The following ENOX1 variants were observed in gnomAD, a reference collection of about 807,000 sequenced individuals.
The protein encoded by ENOX1 is ecto-NOX disulfide-thiol exchanger 1.
A neutral mutation model predicts 82.5 loss-of-function variants in ENOX1; 42 were observed. That is an observed-to-expected ratio of 0.51 (90% CI 0.40 to 0.66). The LOEUF is 0.66. Among genes scored for constraint, ENOX1 ranks in the 30% least tolerant of loss-of-function variants. ENOX1 has a pLI of 0.00. For synonymous variants in ENOX1, 271 were observed against 282.2 expected (o/e 0.96, Z 0.40); for missense variants, 608 against 811.6 (o/e 0.75, Z 3.05).
At chr13:43,614,258 A>C (rs951421575) in intron 2 of ENOX1, among the ~76,000 whole-genome samples, 36 of 152,214 alleles carry the variant, frequency 2.4e-4, no homozygotes, top group Non-Finnish European at 3.7e-4. Flanking sequence ...CACAAAAAAC[A>C]CTGGATACAG....
At chr13:43,742,410 A>G (rs1246223995) in intron 1 of ENOX1, among the ~76,000 whole-genome samples, 2 of 151,030 alleles carry the variant, frequency 1.3e-5, no homozygotes, top group African/African-American at 2.5e-5. Flanking sequence ...AAAGAGAGAC[A>G]GAGAGAGACA....
chr13:43,576,794 C>G (rs1249569149), intron 2 of ENOX1, among the ~76,000 whole-genome samples: 1 of 152,142 alleles, frequency 6.6e-6, no homozygotes, highest in Non-Finnish European at 1.5e-5. Flanking sequence ...TATGGAACAG[C>G]ACTAGGTTAG....
chr13:43,345,688 T>C, intron 8 of ENOX1, among the ~76,000 whole-genome samples: 1 of 152,226 alleles, frequency 6.6e-6, no homozygotes, highest in East Asian at 1.9e-4. Flanking sequence ...TGACTACTGC[T>C]GAAGGCTCAT....
chr13:43,515,665 G>T (rs1667056281), intron 2 of ENOX1, among the ~76,000 whole-genome samples: 1 of 152,138 alleles, frequency 6.6e-6, no homozygotes, highest in African/African-American at 2.4e-5. Flanking sequence ...GGGCCATCTG[G>T]CTCCAGAGTC....
At chr13:43,468,618 C>T (rs979286157) in intron 3 of ENOX1, among the ~76,000 whole-genome samples, 8 of 143,226 alleles carry the variant, frequency 5.6e-5, no homozygotes, top group African/African-American at 2.1e-4. Flanking sequence ...AGTGAGACCC[C>T]ATTCTCCACA....
intron 10 of ENOX1, among the ~76,000 whole-genome samples, chr13:43,324,976 T>C (rs73178325): frequency 1.3e-5 from 2 of 152,236 alleles, no homozygotes; most frequent in African/African-American, 2.4e-5. Context: ...CTTTTAATCA[T>C]GTTTGGTTTT....
At chr13:43,406,179 T>C (rs933534826) in intron 5 of ENOX1, among the ~76,000 whole-genome samples, 3 of 152,136 alleles carry the variant, frequency 2.0e-5, no homozygotes, top group African/African-American at 4.8e-5. Context: ...AAAAGTACTC[T>C]GAGGAAGCAG....
At chr13:43,446,165 CTTGT>C (rs1162367116) in intron 3 of ENOX1, among the ~76,000 whole-genome samples, 4 of 151,256 alleles carry the variant, frequency 2.6e-5, no homozygotes, top group Non-Finnish European at 5.9e-5. Flanking sequence ...TGTCCTGTGC[CTTGT>C]TTTTTTTTTT....
chr13:43,715,906 A>G (rs2088090555), intron 1 of ENOX1, among the ~76,000 whole-genome samples: 1 of 152,118 alleles, frequency 6.6e-6, no homozygotes, highest in Non-Finnish European at 1.5e-5. Flanking sequence ...TTTCAGCTCC[A>G]TCAGCTCCTT....
intron 14 of ENOX1, among the ~76,000 whole-genome samples, chr13:43,242,260 A>C (rs1385737099): frequency 1.3e-5 from 2 of 152,146 alleles, no homozygotes; most frequent in Non-Finnish European, 2.9e-5. Context: ...GCTACACAGG[A>C]GGTCCTGGTC....
intron 5 of ENOX1, among the ~76,000 whole-genome samples, chr13:43,374,069 C>A (rs2051433373): frequency 6.6e-6 from 1 of 150,734 alleles, no homozygotes; most frequent in Admixed American, 6.6e-5. Context: ...CCCTTCCCTT[C>A]CCCTCCCTTG....
At chr13:43,279,407 A>G (rs2045246315) in intron 12 of ENOX1, among the ~76,000 whole-genome samples, 1 of 152,150 alleles carries the variant, frequency 6.6e-6, no homozygotes, top group Non-Finnish European at 1.5e-5. Context: ...TATCCTTACA[A>G]CTGCCAAATG....
intron 1 of ENOX1, among the ~76,000 whole-genome samples, chr13:43,685,881 C>T (rs1057479250): frequency 2.7e-5 from 4 of 146,090 alleles, no homozygotes; most frequent in African/African-American, 1.1e-4. Context: ...GAAACACACA[C>T]ACACACACAC....
chr13:43,465,038 C>G (rs1041750218), intron 3 of ENOX1, among the ~76,000 whole-genome samples: 4 of 152,138 alleles, frequency 2.6e-5, no homozygotes, highest in Non-Finnish European at 5.9e-5. Flanking sequence ...CATCAGGGGG[C>G]AGGCAAATGA....
At chr13:43,433,285 T>C (rs1405155135) in intron 3 of ENOX1, among the ~76,000 whole-genome samples, 1 of 152,092 alleles carries the variant, frequency 6.6e-6, no homozygotes, top group Non-Finnish European at 1.5e-5. Flanking sequence ...CATGAGAACA[T>C]TCCTCAGTGA....
intron 2 of ENOX1, among the ~76,000 whole-genome samples, chr13:43,549,293 A>C (rs2079092296): frequency 6.6e-6 from 1 of 152,190 alleles, no homozygotes; most frequent in Non-Finnish European, 1.5e-5. Context: ...CCCACCTTTA[A>C]TGTCTCTATC....
chr13:43,220,566 A>G (rs755063014), intron 16 of ENOX1, among the ~76,000 whole-genome samples: 21 of 152,156 alleles, frequency 1.4e-4, no homozygotes, highest in Non-Finnish European at 2.6e-4. Flanking sequence ...TCTGGTCCCT[A>G]AGACAGTGCT....
intron 9 of ENOX1, among the ~76,000 whole-genome samples, chr13:43,342,554 CA>C (rs1431073234): frequency 6.6e-6 from 1 of 152,098 alleles, no homozygotes; most frequent in Non-Finnish European, 1.5e-5. Context: ...GGTCCTGCCC[CA>C]CCCCTTCATT....
intron 2 of ENOX1, among the ~76,000 whole-genome samples, chr13:43,654,291 C>A (rs188661158): frequency 6.6e-6 from 1 of 152,272 alleles, no homozygotes; most frequent in Admixed American, 6.5e-5. Context: ...ACTTGCCCTA[C>A]GTATTTCATA....
Sources: allele counts gnomAD v4.1 joint callset (sites outside exome capture counted in the v4.1 genomes callset), GRCh38; gene constraint gnomAD v4.1.1; transcripts MANE v1.5; gene names NCBI Gene and HGNC (gene_info 2026-07-23, HGNC 2026-07-21).